Variants in GADL1 observed in about 807,000 individuals in gnomAD.
GADL1 encodes acidic amino acid decarboxylase GADL1.
Under a neutral mutation model 69.5 loss-of-function variants are expected in GADL1, and 71 were observed. That is an observed-to-expected ratio of 1.02 (90% confidence interval 0.84 to 1.25). GADL1 has a LOEUF of 1.25. Among genes scored for constraint, GADL1 ranks in the 50% most tolerant of loss-of-function variants. GADL1 has a pLI of 0.00. For missense variants in GADL1, 737 were observed against 631.8 expected (o/e 1.17, Z -1.79); for synonymous variants, 254 against 214.4 (o/e 1.18, Z -1.62).
At chr3:30,751,747 T>A (rs1695824555) in intron 14 of GADL1, among the ~76,000 whole-genome samples, 1 of 152,228 alleles carries the variant, frequency 6.6e-6, no homozygotes, top group Admixed American at 6.5e-5. Flanking sequence ...ACTAGATTTC[T>A]GCTGCGCTGG....
intron 14 of GADL1, among the ~76,000 whole-genome samples, chr3:30,749,723 G>A (rs1695770877): frequency 6.6e-6 from 1 of 152,178 alleles, no homozygotes; most frequent in Admixed American, 6.5e-5. Flanking sequence ...AGCACCTGAA[G>A]GCAGGCAGAA....
intron 1 of GADL1, among the ~76,000 whole-genome samples, chr3:30,869,491 C>T (rs1225660773): frequency 6.6e-6 from 1 of 151,748 alleles, no homozygotes; most frequent in Non-Finnish European, 1.5e-5. Context: ...CTGGATCTAG[C>T]CCTGTGATTT....
intron 2 of GADL1, among the ~76,000 whole-genome samples, chr3:30,858,754 C>T (rs1379238397): frequency 6.6e-6 from 1 of 151,854 alleles, no homozygotes; most frequent in Non-Finnish European, 1.5e-5. Flanking sequence ...GGACAGAGTT[C>T]CAGGGAGACA....
chr3:30,831,762 C>T (rs1697796546), intron 11 of GADL1, among the ~76,000 whole-genome samples: 1 of 152,022 alleles, frequency 6.6e-6, no homozygotes. Context: ...TTAGACATAA[C>T]TATGTCATAG....
chr3:30,765,589 G>GCC (rs930584999), intron 14 of GADL1, among the ~76,000 whole-genome samples: 13 of 152,276 alleles, frequency 8.5e-5, no homozygotes, highest in African/African-American at 3.1e-4. Flanking sequence ...GCTGAACAAG[G>GCC]CCCTGCCCTC....
At chr3:30,765,783 A>C (rs1696262207) in intron 14 of GADL1, among the ~76,000 whole-genome samples, 1 of 152,158 alleles carries the variant, frequency 6.6e-6, no homozygotes, top group African/African-American at 2.4e-5. Context: ...CCTGCAATCT[A>C]CTGTATCATA....
chr3:30,816,539 T>G (rs1203742272), intron 11 of GADL1, among the ~76,000 whole-genome samples: 689 of 58,614 alleles, frequency 0.012, 32 homozygotes, highest in African/African-American at 0.046. Flanking sequence ...TCTTTTTTTT[T>G]TTTTTTTTTT....
In GADL1 at chr3:30,805,142, T is replaced by C. The variant is rs993089485; in HGVS notation, c.1051-4054A>G. Among the ~76,000 whole-genome samples, 71 of 152,218 alleles carry C rather than the reference T, an allele frequency of 4.7e-4. 1 individual carries two copies. The highest frequency in any genetic ancestry group is 1.6e-3 in the African/African-American group (66 of 41,458). On this transcript the variant is annotated intron_variant, in intron 11 of 14. Transcript: ENST00000282538. ...TACTATTTTCCAGACACTTCATATG[T>C]AATAACTCACTTAAATTTCACAACC...
At chr3:30,733,625 CT>C (rs1368633853) in intron 14 of GADL1, among the ~76,000 whole-genome samples, 3 of 149,624 alleles carry the variant, frequency 2.0e-5, no homozygotes, top group African/African-American at 7.5e-5. Context: ...TCCTTCCTTC[CT>C]TCCTTCCTTC....
At chr3:30,848,603 T>C (rs562282561) in intron 6 of GADL1, among the ~76,000 whole-genome samples, 44 of 152,184 alleles carry the variant, frequency 2.9e-4, no homozygotes, top group Non-Finnish European at 5.3e-4. Context: ...ACCTGGGTGA[T>C]GAAGCAGTGG....
Position 30,789,436 on chromosome 3 carries a change from A to C in GADL1, c.1251-3030T>G, listed in dbSNP as rs1013843467. 2.0e-4 allele frequency among the ~76,000 whole-genome samples: 31 copies of C among 152,284 alleles called. No individual in the cohort carries two copies. In the South Asian group the frequency reaches 5.4e-3, roughly 26 times the overall value. ...GTACAGGCAGAGTAAGTTTAGCGTAAATCTGAAGAGTCTTAGAATTTTCAG... is the reference window on the plus strand; with the variant it reads ...GTACAGGCAGAGTAAGTTTAGCGTACATCTGAAGAGTCTTAGAATTTTCAG... On this transcript the variant is annotated intron_variant, in intron 12 of 14. Coordinates refer to ENST00000282538, the MANE Select transcript of GADL1 (RefSeq NM_207359.3).
chr3:30,838,137 C>A (rs1309669703), intron 9 of GADL1, among the ~76,000 whole-genome samples: 4 of 152,032 alleles, frequency 2.6e-5, no homozygotes, highest in Non-Finnish European at 5.9e-5. Flanking sequence ...ATTTCTTCTG[C>A]CAAGGAGGAT....
At chr3:30,786,428 ATATT>A (rs748209418) in intron 12 of GADL1, 22 bp from the exon 13 acceptor site, 4 of 1,202,810 alleles carry the variant, frequency 3.3e-6, no homozygotes, top group Non-Finnish European at 4.9e-6. Context: ...AGTCACAATA[ATATT>A]TATAATCTGC....
chr3:30,833,415 T>A (rs1334329753), intron 11 of GADL1, among the ~76,000 whole-genome samples: 1 of 152,118 alleles, frequency 6.6e-6, no homozygotes, highest in Non-Finnish European at 1.5e-5. Flanking sequence ...TCTTCCCATA[T>A]AAACGGGCTG....
intron 12 of GADL1, among the ~76,000 whole-genome samples, chr3:30,790,396 CAT>C (rs1327741137): frequency 2.0e-5 from 3 of 152,258 alleles, no homozygotes; most frequent in African/African-American, 7.2e-5. Flanking sequence ...ATAACACAGA[CAT>C]ATGAAGTGAG....
chr3:30,738,256 G>A (rs1695565772), intron 14 of GADL1, among the ~76,000 whole-genome samples: 1 of 152,120 alleles, frequency 6.6e-6, no homozygotes, highest in Non-Finnish European at 1.5e-5. Flanking sequence ...CTCCCTTGGG[G>A]CATTTGGAAT....
At chr3:30,890,656 A>T (rs1255499637) in intron 1 of GADL1, among the ~76,000 whole-genome samples, 1 of 152,228 alleles carries the variant, frequency 6.6e-6, no homozygotes, top group Non-Finnish European at 1.5e-5. Context: ...ACTCAGCAGC[A>T]GACCAAATGT....
rs147317208 is a variant in GADL1, at chr3:30,768,035, A to ACC, written c.1392+10142_1392+10143dup. 3.1e-3 allele frequency among the ~76,000 whole-genome samples: 442 copies of ACC among 142,636 alleles called. 8 individuals carry two copies. The highest frequency in any genetic ancestry group is 5.4e-3 in the African/African-American group (202 of 37,358). The allele number at this position is 142,636 out of a possible 152,430, so 93.6% of individuals were successfully genotyped here. A position where few individuals can be genotyped will look rare whatever the true frequency, so the allele number is the denominator to read the frequency against. On this transcript the variant is annotated intron_variant, in intron 14 of 14. Transcript: ENST00000282538. ...TTTTACCTTCTAAATAACTCCCCATACCCCCCCCCCCCTTATCCTTATAAC... is the reference window on the plus strand; with the variant it reads ...TTTTACCTTCTAAATAACTCCCCATACCCCCCCCCCCCCCTTATCCTTATAAC...
intron 14 of GADL1, among the ~76,000 whole-genome samples, chr3:30,769,683 T>G (rs1484490461): frequency 6.6e-6 from 1 of 152,184 alleles, no homozygotes; most frequent in African/African-American, 2.4e-5. Flanking sequence ...AAGATCAAAA[T>G]GCACCCACAC....
Sources: gnomAD v4.1 joint callset for allele counts (sites outside exome capture counted in the v4.1 genomes callset) on GRCh38, gnomAD v4.1.1 for gene constraint, MANE v1.5 for transcripts, NCBI Gene and HGNC (gene_info 2026-07-23, HGNC 2026-07-21) for gene names.